The following ICA1 variants were observed in gnomAD, a reference collection of about 807,000 sequenced individuals.
ICA1 encodes the protein 69 kDa islet cell autoantigen.
Under a neutral mutation model 71.0 loss-of-function variants are expected in ICA1, and 40 were observed. The observed-to-expected ratio is 0.56, with a 90% confidence interval of 0.44 to 0.73. The LOEUF is 0.73. Among genes scored for constraint, ICA1 ranks in the 30% least tolerant of loss-of-function variants. The probability of loss-of-function intolerance (pLI) is 0.00; values close to 1 mark genes in which losing one functional copy is unlikely to be tolerated. For missense variants in ICA1, 578 were observed against 576.5 expected (o/e 1.00, Z -0.03); for synonymous variants, 207 against 209.5 (o/e 0.99, Z 0.10).
intron 6 of ICA1, 123 bp downstream of exon 6, chr7:8,218,182 C>G: frequency 1.3e-6 from 1 of 775,428 alleles, no homozygotes; most frequent in South Asian, 1.6e-5. Context: ...AAAAAGACAC[C>G]AGCGATGATT....
chr7:8,203,883 T>C (rs1372036928), intron 6 of ICA1, among the ~76,000 whole-genome samples: 1 of 152,122 alleles, frequency 6.6e-6, no homozygotes, highest in Non-Finnish European at 1.5e-5. Context: ...AGCCTCAGCT[T>C]TGGGTCCCTG....
chr7:8,209,997 G>C (rs1377980634), intron 6 of ICA1, among the ~76,000 whole-genome samples: 2 of 152,210 alleles, frequency 1.3e-5, no homozygotes, highest in Non-Finnish European at 2.9e-5. Flanking sequence ...GTCAGAGCCA[G>C]CCTGTGGAGG....
At chr7:8,124,907 G>C (rs563773879) in intron 13 of ICA1, among the ~76,000 whole-genome samples, 1 of 151,868 alleles carries the variant, frequency 6.6e-6, no homozygotes, top group Non-Finnish European at 1.5e-5. Context: ...TCCTGCCTCA[G>C]CCTCCCGAGT....
At chr7:8,246,803 G>C (rs1355900564) in intron 1 of ICA1, among the ~76,000 whole-genome samples, 1 of 152,218 alleles carries the variant, frequency 6.6e-6, no homozygotes, top group African/African-American at 2.4e-5. Context: ...CTGGAGTATA[G>C]TGGTGCGATC....
intron 8 of ICA1, among the ~76,000 whole-genome samples, chr7:8,150,938 G>T (rs1798586601): frequency 6.6e-6 from 1 of 152,240 alleles, no homozygotes; most frequent in South Asian, 2.1e-4. Context: ...CAATGGGCAT[G>T]CAGGCCCAGG....
At chr7:8,249,389 A>C (rs1282154604) in intron 1 of ICA1, among the ~76,000 whole-genome samples, 1 of 152,248 alleles carries the variant, frequency 6.6e-6, no homozygotes, top group Non-Finnish European at 1.5e-5. Context: ...GCAGTTGTGC[A>C]TTATAATTTA....
chr7:8,203,808 T>C (rs1184453692), intron 6 of ICA1, among the ~76,000 whole-genome samples: 1 of 152,164 alleles, frequency 6.6e-6, no homozygotes. Context: ...TTTAAACCTG[T>C]GGGGCAATTT....
intron 6 of ICA1, among the ~76,000 whole-genome samples, chr7:8,212,794 C>T (rs969980217): frequency 6.6e-6 from 1 of 152,198 alleles, no homozygotes; most frequent in Non-Finnish European, 1.5e-5. Context: ...GCCACCAGCT[C>T]TGCAAGTTAT....
chr7:8,141,843 A>G (rs764361300), intron 9 of ICA1, 26 bp from the exon 10 acceptor site: 1 of 1,489,620 alleles, frequency 6.7e-7, no homozygotes, highest in South Asian at 1.2e-5. Flanking sequence ...AGGTTTAGTC[A>G]TCAACTTCTA....
chr7:8,184,196 G>C (rs1783165625), intron 6 of ICA1, among the ~76,000 whole-genome samples: 1 of 152,194 alleles, frequency 6.6e-6, no homozygotes, highest in Non-Finnish European at 1.5e-5. Flanking sequence ...AAACAGAAAA[G>C]TGCTCAGGTG....
intron 1 of ICA1, among the ~76,000 whole-genome samples, chr7:8,253,366 A>T (rs2128536765): frequency 6.6e-6 from 1 of 152,336 alleles, no homozygotes; most frequent in East Asian, 1.9e-4. Flanking sequence ...ATTTGTGTCA[A>T]ATTAGATTTA....
intron 13 of ICA1, among the ~76,000 whole-genome samples, chr7:8,122,525 CG>C (rs1787391286): frequency 6.6e-6 from 1 of 152,246 alleles, no homozygotes; most frequent in Non-Finnish European, 1.5e-5. Flanking sequence ...TGCACTTTGG[CG>C]GAACTCCGTT....
intron 1 of ICA1, among the ~76,000 whole-genome samples, chr7:8,259,268 TC>T (rs1811387356): frequency 6.6e-6 from 1 of 152,144 alleles, no homozygotes; most frequent in African/African-American, 2.4e-5. Context: ...ATTTTGCATT[TC>T]TAATAAGCTC....
At chr7:8,205,990 C>T (rs2128350377) in intron 6 of ICA1, among the ~76,000 whole-genome samples, 1 of 152,270 alleles carries the variant, frequency 6.6e-6, no homozygotes, top group South Asian at 2.1e-4. Context: ...TAGCTGCCCC[C>T]TCCACAGCCT....
intron 6 of ICA1, among the ~76,000 whole-genome samples, chr7:8,174,771 A>AAAAACAACAAAAAACC (rs1554310919): frequency 9.4e-6 from 1 of 106,038 alleles, no homozygotes; most frequent in Admixed American, 1.1e-4. Flanking sequence ...AAAAAAAAAA[A>AAAAACAACAAAAAACC]AAAAAAAACA....
At chr7:8,174,775 A>ACAAAAAACCAAAG (rs376395248) in intron 6 of ICA1, among the ~76,000 whole-genome samples, 77 of 111,380 alleles carry the variant, frequency 6.9e-4, no homozygotes, top group East Asian at 2.7e-3. Flanking sequence ...AAAAAAAAAA[A>ACAAAAAACCAAAG]AAAACAGAGA....
chr7:8,164,011 A>G (rs750939084), intron 6 of ICA1, among the ~76,000 whole-genome samples: 1 of 152,100 alleles, frequency 6.6e-6, no homozygotes, highest in Non-Finnish European at 1.5e-5. Context: ...TTGAAGGTAG[A>G]TAAGAATAGA....
chr7:8,252,405 C>T (rs1474253044), intron 1 of ICA1, among the ~76,000 whole-genome samples: 4 of 152,130 alleles, frequency 2.6e-5, no homozygotes, highest in South Asian at 2.1e-4. Flanking sequence ...TTGGAAGGCT[C>T]TTACAAATCT....
intron 10 of ICA1, among the ~76,000 whole-genome samples, chr7:8,139,972 A>C (rs1036623640): frequency 1.3e-5 from 2 of 152,246 alleles, no homozygotes; most frequent in East Asian, 3.8e-4. Context: ...TATTCTGTGC[A>C]TATATAAAAC....
Sources: gnomAD v4.1 joint callset for allele counts (sites outside exome capture counted in the v4.1 genomes callset) on GRCh38, gnomAD v4.1.1 for gene constraint, MANE v1.5 for transcripts, NCBI Gene and HGNC (gene_info 2026-07-23, HGNC 2026-07-21) for gene names.